The following MAP3K5 variants were observed in gnomAD, a reference collection of about 807,000 sequenced individuals.
MAP3K5 encodes the protein mitogen-activated protein kinase kinase kinase 5.
Under a neutral mutation model 158.7 loss-of-function variants are expected in MAP3K5, and 56 were observed. The ratio of observed to expected loss-of-function variants is 0.35; its 90% CI spans 0.28 to 0.44. The LOEUF (loss-of-function observed/expected upper bound fraction) is 0.44. Ranked by LOEUF, MAP3K5 falls within the 20% of genes least tolerant of loss-of-function variation. The pLI is 1.00. For synonymous variants in MAP3K5, 579 were observed against 601.7 expected (o/e 0.96, Z 0.55); for missense variants, 1,294 against 1,674.8 (o/e 0.77, Z 3.97).
chr6:136,716,507 A>G (rs1387673113), intron 2 of MAP3K5, among the ~76,000 whole-genome samples: 1 of 152,168 alleles, frequency 6.6e-6, no homozygotes, highest in Non-Finnish European at 1.5e-5. Flanking sequence ...AGCTGGTGTT[A>G]TAAAGGAATT....
intron 26 of MAP3K5, among the ~76,000 whole-genome samples, chr6:136,566,545 A>G (rs569275919): frequency 6.6e-6 from 1 of 152,344 alleles, no homozygotes; most frequent in African/African-American, 2.4e-5. Context: ...AGGGAAACCA[A>G]GATTTCCATG....
rs779368949 is a variant in MAP3K5 at position 136,792,118 on chromosome 6, G to T, written c.40C>A (p.Pro14Thr). 6 of 1,585,686 alleles carry T rather than the reference G, an allele frequency of 3.8e-6. No individual in the cohort carries two copies. Among genetic ancestry groups the T allele is most frequent in the Admixed American group, 1.8e-5 (1 of 56,374 alleles). The change falls in exon 1 of 30, where the codon CCA (proline) becomes ACA (threonine). Residue 14 changes from proline (P) to threonine (T), a missense_variant. Pro to Thr is a conservative substitution (Grantham distance 38, BLOSUM62 -1). Transcript: ENST00000359015. The surrounding 1 kb of genome is among the most constrained non-coding windows in gnomAD (Gnocchi z 5.7). ...EADEGITFSV[P>T]PFAPSGFCTI... is the part of the protein sequence containing the mutation. ...CAGAAGCCCGAGGGGGCGAAGGGTG[G>T]CACAGAGAAAGTGATGCCCTCGTCC...
rs544781990 is a variant in MAP3K5, at chr6:136,637,643, G to A, written c.1935-237C>T. Reference sequence around the variant, plus strand: ...CTCACTTCAAATACATTTTTCTTCAGGAACTCTTCTTGTAAAGTTTTTTTT... The same window carrying A: ...CTCACTTCAAATACATTTTTCTTCAAGAACTCTTCTTGTAAAGTTTTTTTT... On this transcript the variant is annotated intron_variant, in intron 13 of 29. Transcript: ENST00000359015. 1.3e-4 allele frequency among the ~76,000 whole-genome samples: 17 copies of A among 134,676 alleles called. No individual in the cohort carries two copies. The South Asian group carries it at 4.1e-3, about 32-fold the overall frequency. The allele number at this position is 134,676 out of a possible 152,430, so 88.4% of individuals were successfully genotyped here.
chr6:136,584,508 A>G (rs1775028506), intron 23 of MAP3K5: 1 of 153,250 alleles, frequency 6.5e-6, no homozygotes, highest in South Asian at 2.1e-4. Context: ...TTGTGCAGGC[A>G]AACTCCCATT....
At chr6:136,620,849 A>C (rs570857497) in intron 15 of MAP3K5, among the ~76,000 whole-genome samples, 2 of 152,316 alleles carry the variant, frequency 1.3e-5, no homozygotes, top group East Asian at 3.9e-4. Flanking sequence ...CAGAATTATT[A>C]GTTGGAGAAA....
rs749730926 is a variant in MAP3K5, at chr6:136,792,013, G to A, written c.145C>T (p.Pro49Ser). Residue 49 changes from proline (P) to serine (S), a missense_variant, in exon 1 of 30, where the codon CCG becomes TCG. Pro to Ser is a moderately conservative substitution (Grantham distance 74, BLOSUM62 -1). This residue lies in a region of MAP3K5 where 690 missense variants were observed against 870.5 expected (regional missense o/e 0.79). Coordinates refer to ENST00000359015, the MANE Select transcript of MAP3K5 (RefSeq NM_005923.4). This position sits in a 1 kb window ranked among gnomAD's most constrained non-coding sequence, Gnocchi z 5.7. ...ACGTTCCAGAAGCTGCCCGGCGGCG[G>A]CGGTGGCAGCTGGTGCTCCTCGCCC... ...GEGEEHQLPPPPPGSFWNVES... is the reference protein window; with the variant it reads ...GEGEEHQLPPSPPGSFWNVES... 6.3e-7 allele frequency: 1 copy of A among 1,583,052 alleles called. No individual in the cohort carries two copies. The highest frequency in any genetic ancestry group is 8.6e-7 in the Non-Finnish European group (1 of 1,169,548).
intron 2 of MAP3K5, among the ~76,000 whole-genome samples, 167 bp downstream of exon 2, chr6:136,720,283 A>T (rs1781695672): frequency 6.6e-6 from 1 of 152,220 alleles, no homozygotes; most frequent in African/African-American, 2.4e-5. Flanking sequence ...TCAAATTTCT[A>T]CAGTGAATTC....
intron 2 of MAP3K5, among the ~76,000 whole-genome samples, chr6:136,715,514 G>T (rs1253935966): frequency 6.6e-6 from 1 of 151,890 alleles, no homozygotes; most frequent in Non-Finnish European, 1.5e-5. Context: ...CCCCTAAGAG[G>T]TAACTATTCT....
intron 7 of MAP3K5, among the ~76,000 whole-genome samples, chr6:136,674,539 C>CA (rs1382801888): frequency 1.3e-5 from 2 of 151,648 alleles, no homozygotes; most frequent in Non-Finnish European, 3.0e-5. Context: ...ACTAAAAGAA[C>CA]AAAAAACATG....
intron 14 of MAP3K5, among the ~76,000 whole-genome samples, chr6:136,625,774 G>A (rs1218835427): frequency 2.0e-5 from 3 of 152,098 alleles, no homozygotes; most frequent in African/African-American, 7.2e-5. Context: ...TATAAACTAT[G>A]TAAGGAAACA....
chr6:136,628,344 C>T (rs1777141940), intron 14 of MAP3K5, among the ~76,000 whole-genome samples: 2 of 151,900 alleles, frequency 1.3e-5, no homozygotes, highest in Non-Finnish European at 2.9e-5. Context: ...AACTCCTGGC[C>T]TCAACTGATC....
At chr6:136,566,028 G>C (rs1774091227) in intron 26 of MAP3K5, among the ~76,000 whole-genome samples, 1 of 152,182 alleles carries the variant, frequency 6.6e-6, no homozygotes, top group African/African-American at 2.4e-5. Flanking sequence ...GTGAGAAGCA[G>C]GCCCTCAGCT....
At chr6:136,585,237 T>C (rs1775072212) in intron 23 of MAP3K5, among the ~76,000 whole-genome samples, 1 of 149,534 alleles carries the variant, frequency 6.7e-6, no homozygotes, top group South Asian at 2.2e-4. Context: ...CTCAGCCTCC[T>C]GAGTAGCTAG....
intron 18 of MAP3K5, among the ~76,000 whole-genome samples, chr6:136,607,187 GCCTACCACC>G (rs1776138764): frequency 6.6e-6 from 1 of 152,106 alleles, no homozygotes; most frequent in South Asian, 2.1e-4. Context: ...ATGCATCGAA[GCCTACCACC>G]CCCTTTTGTT....
chr6:136,631,204 GA>G (rs1777335215), intron 14 of MAP3K5, among the ~76,000 whole-genome samples: 1 of 152,136 alleles, frequency 6.6e-6, no homozygotes, highest in Non-Finnish European at 1.5e-5. Flanking sequence ...GCTGGTACAA[GA>G]AAAAGGCTTT....
intron 1 of MAP3K5, among the ~76,000 whole-genome samples, chr6:136,724,285 G>A (rs894287372): frequency 4.4e-5 from 6 of 137,362 alleles, no homozygotes; most frequent in Non-Finnish European, 6.1e-5. Flanking sequence ...GTCTTACTCT[G>A]TCTCCCAGGC....
chr6:136,662,548 T>C (rs919671931), intron 8 of MAP3K5, among the ~76,000 whole-genome samples: 7 of 152,002 alleles, frequency 4.6e-5, no homozygotes, highest in Non-Finnish European at 8.8e-5. Context: ...TCTCTCCCTC[T>C]CTCTCTTCCT....
At chr6:136,683,591 G>A (rs1379472987) in intron 7 of MAP3K5, among the ~76,000 whole-genome samples, 1 of 152,166 alleles carries the variant, frequency 6.6e-6, no homozygotes, top group East Asian at 1.9e-4. Context: ...AAGGTGTTCT[G>A]CTACTTGCAA....
Position 136,613,110 on chromosome 6 carries a change from T to C in MAP3K5, c.2415+10A>G. 6.3e-7 allele frequency: 1 copy of C among 1,595,762 alleles called. No homozygotes were observed. On this transcript the variant is annotated intron_variant, in intron 17 of 29. Coordinates refer to ENST00000359015, the MANE Select transcript of MAP3K5 (RefSeq NM_005923.4). This position sits in a 1 kb window ranked among gnomAD's most constrained non-coding sequence, Gnocchi z 4.0. ...AAGAACTCATGAAAATGAATGCTGG[T>C]GTACCTCACCTTTATGTCCCGGTGA... is the stretch of plus-strand genomic sequence containing the variant.
Sources: allele counts gnomAD v4.1 joint callset (sites outside exome capture counted in the v4.1 genomes callset), GRCh38; gene constraint gnomAD v4.1.1; regional missense constraint gnomAD v4.1.1; non-coding constraint Gnocchi (gnomAD v3.1); transcripts MANE v1.5; gene names NCBI Gene and HGNC (gene_info 2026-07-23, HGNC 2026-07-21).